Variants in EPHA3 observed in about 807,000 individuals in gnomAD.
EPHA3 encodes the protein EPH receptor A3.
In EPHA3, 42 loss-of-function variants were observed where a neutral mutation model predicts 107.1. The observed-to-expected ratio is 0.39, with a 90% CI of 0.31 to 0.51. The LOEUF is 0.51. Among genes scored for constraint, EPHA3 ranks in the 20% least tolerant of loss-of-function variants. The pLI is 0.78. For synonymous variants in EPHA3, 461 were observed against 424.8 expected (o/e 1.09, Z -1.05); for missense variants, 1,183 against 1,211.2 (o/e 0.98, Z 0.35).
chr3:89,381,798 C>T (rs1199096786), intron 5 of EPHA3, among the ~76,000 whole-genome samples: 1 of 152,160 alleles, frequency 6.6e-6, no homozygotes, highest in Non-Finnish European at 1.5e-5. Context: ...GTCCTTCCAT[C>T]TTGTGAAGAC....
chr3:89,351,328 T>A (rs2107442195), intron 5 of EPHA3, among the ~76,000 whole-genome samples: 1 of 151,336 alleles, frequency 6.6e-6, no homozygotes, highest in South Asian at 2.1e-4. Flanking sequence ...GGTGCGCTGT[T>A]TTTTAAGCCG....
chr3:89,466,954 C>T (rs1353431048), intron 15 of EPHA3, among the ~76,000 whole-genome samples: 2 of 151,948 alleles, frequency 1.3e-5, no homozygotes, highest in Non-Finnish European at 2.9e-5. Context: ...GATTTTTGTC[C>T]TTAAGGCCTA....
chr3:89,470,935 A>T (rs1710387839), intron 15 of EPHA3, among the ~76,000 whole-genome samples: 1 of 152,222 alleles, frequency 6.6e-6, no homozygotes, highest in African/African-American at 2.4e-5. Context: ...TAATATTCTT[A>T]GCATGATGCC....
chr3:89,135,762 GAAAAAAAA>G (rs11369116), intron 2 of EPHA3, among the ~76,000 whole-genome samples: 1 of 147,826 alleles, frequency 6.8e-6, no homozygotes, highest in Non-Finnish European at 1.5e-5. Flanking sequence ...AAGTTTAACT[GAAAAAAAA>G]AACTATGTAA....
At chr3:89,115,302 GCCC>G (rs1051227719) in intron 1 of EPHA3, among the ~76,000 whole-genome samples, 1 of 151,130 alleles carries the variant, frequency 6.6e-6, no homozygotes, top group African/African-American at 2.4e-5. Context: ...CCACCTTTAG[GCCC>G]CTAGTAATTG....
At chr3:89,221,621 GCCTACTATGTA>G (rs1704378172) in intron 3 of EPHA3, among the ~76,000 whole-genome samples, 1 of 152,076 alleles carries the variant, frequency 6.6e-6, no homozygotes, top group Non-Finnish European at 1.5e-5. Context: ...TTTATTGATT[GCCTACTATGTA>G]CCCAGTGAGG....
chr3:89,319,643 G>A (rs1210167745), intron 3 of EPHA3, among the ~76,000 whole-genome samples: 1 of 151,836 alleles, frequency 6.6e-6, no homozygotes, highest in Non-Finnish European at 1.5e-5. Context: ...CTAGAGGAAG[G>A]GCCCTCTCTT....
At chr3:89,176,604 A>C (rs1705325368) in intron 2 of EPHA3, among the ~76,000 whole-genome samples, 1 of 152,000 alleles carries the variant, frequency 6.6e-6, no homozygotes, top group Non-Finnish European at 1.5e-5. Flanking sequence ...GCAGAATGAG[A>C]GTAATAATAC....
intron 1 of EPHA3, among the ~76,000 whole-genome samples, chr3:89,115,195 T>C (rs570610364): frequency 6.6e-6 from 1 of 152,190 alleles, no homozygotes; most frequent in East Asian, 1.9e-4. Flanking sequence ...TATTTCTTCA[T>C]CTTTTGGGCA....
At chr3:89,314,250 C>T (rs1209983068) in intron 3 of EPHA3, among the ~76,000 whole-genome samples, 1 of 144,450 alleles carries the variant, frequency 6.9e-6, no homozygotes, top group Non-Finnish European at 1.5e-5. Flanking sequence ...TTAATGTTTG[C>T]CCCTATATAA....
chr3:89,214,936 G>A (rs937583764), intron 3 of EPHA3, among the ~76,000 whole-genome samples: 1 of 151,850 alleles, frequency 6.6e-6, no homozygotes, highest in Non-Finnish European at 1.5e-5. Flanking sequence ...AAAATGTTAA[G>A]CCTAGGTTTT....
At chr3:89,352,069 G>A (rs978002936) in intron 5 of EPHA3, among the ~76,000 whole-genome samples, 18 of 151,250 alleles carry the variant, frequency 1.2e-4, no homozygotes, top group Middle Eastern at 3.4e-3. Context: ...AAGAGAGAAC[G>A]TGACTTCATT....
At chr3:89,152,338 G>C (rs1243013004) in intron 2 of EPHA3, among the ~76,000 whole-genome samples, 1 of 151,972 alleles carries the variant, frequency 6.6e-6, no homozygotes, top group African/African-American at 2.4e-5. Flanking sequence ...TCCTCATGCT[G>C]TTCCTTATTA....
chr3:89,447,876 G>T (rs957421999), intron 13 of EPHA3, among the ~76,000 whole-genome samples: 2 of 152,116 alleles, frequency 1.3e-5, no homozygotes, highest in African/African-American at 4.8e-5. Context: ...TTTGTGTAAA[G>T]CACTATATTG....
At chr3:89,479,204 C>A (rs1470308278) in intron 16 of EPHA3, among the ~76,000 whole-genome samples, 193 bp from the exon 17 acceptor site, 1 of 152,132 alleles carries the variant, frequency 6.6e-6, no homozygotes, top group African/African-American at 2.4e-5. Flanking sequence ...AAACTCTATT[C>A]AACCCACTAC....
intron 13 of EPHA3, among the ~76,000 whole-genome samples, chr3:89,442,834 A>G (rs528069771): frequency 6.6e-6 from 1 of 152,336 alleles, no homozygotes; most frequent in South Asian, 2.1e-4. Context: ...AGCTATCACA[A>G]ACATAATGCA....
intron 10 of EPHA3, 33 bp downstream of exon 10, chr3:89,413,299 C>G (rs751931132): frequency 5.6e-6 from 9 of 1,609,956 alleles, no homozygotes; most frequent in Non-Finnish European, 7.6e-6. Context: ...CAACTTAGTA[C>G]TGTATGTGAA....
chr3:89,310,297 G>A (rs1706733219), intron 3 of EPHA3, among the ~76,000 whole-genome samples: 1 of 151,912 alleles, frequency 6.6e-6, no homozygotes, highest in African/African-American at 2.4e-5. Flanking sequence ...TAGCTTTAAA[G>A]GAAAAATAGA....
At chr3:89,416,082 G>T (rs1353307389) in intron 10 of EPHA3, among the ~76,000 whole-genome samples, 3 of 151,314 alleles carry the variant, frequency 2.0e-5, no homozygotes, top group African/African-American at 7.3e-5. Context: ...AGTAGAAGGA[G>T]GGTAGGCTTT....
Sources: allele counts gnomAD v4.1 joint callset (sites outside exome capture counted in the v4.1 genomes callset), GRCh38; gene constraint gnomAD v4.1.1; transcripts MANE v1.5; gene names NCBI Gene and HGNC (gene_info 2026-07-23, HGNC 2026-07-21).